TP73: variants seen among roughly 807,000 people sequenced by gnomAD.
TP73 encodes p53-like transcription factor.
TP73 carries 25 observed loss-of-function variants against 62.5 expected under a neutral mutation model. The observed-to-expected ratio is 0.40, with a 90% CI of 0.29 to 0.56. TP73 has a LOEUF of 0.56. Among genes scored for constraint, TP73 ranks in the 20% least tolerant of loss-of-function variants. The pLI is 0.46. For missense variants in TP73, 754 were observed against 913.3 expected, an observed-to-expected ratio of 0.83 and a Z score of 2.25; for synonymous variants, 423 against 377.5, an observed-to-expected ratio of 1.12 and a Z score of -1.40.
At chr1:3,667,731 CAGAG>C (rs1320227178) in intron 1 of TP73, among the ~76,000 whole-genome samples, 3 of 131,910 alleles carry the variant, frequency 2.3e-5, no homozygotes, top group African/African-American at 8.9e-5. Flanking sequence ...GCCTGGGCGA[CAGAG>C]AGAGATTCTG....
At position 3,727,685 on chromosome 1, in the gene TP73, C is replaced by T. The variant is rs142148247; in HGVS notation, c.900C>T (p.Arg300=). Residue 300 remains arginine (R), a synonymous_variant, in exon 8 of 14, where the codon CGC becomes CGT. Coordinates refer to ENST00000378295, the MANE Select transcript of TP73 (RefSeq NM_005427.4). ...GCCGCATCTGCGCCTGTCCTGGCCG[C>T]GACCGAAAAGCTGATGAGGACCACT... The part of the protein sequence containing the change: ...FEGRICACPG[R]DRKADEDHYR... 8.8e-6 allele frequency: 14 copies of T among 1,593,788 alleles called. No individual in the cohort carries two copies. The highest frequency in any genetic ancestry group is 2.3e-5 in the East Asian group (1 of 44,176).
rs2124554434 is a variant in TP73 at position 3,732,901 on chromosome 1, A to G, written c.1733A>G (p.Gln578Arg). The change falls in exon 14 of 14, where the codon CAG becomes CGG. Residue 578 changes from glutamine (Q) to arginine (R), a missense_variant. Coordinates refer to ENST00000378295, the MANE Select transcript of TP73 (RefSeq NM_005427.4). The part of the protein sequence containing the change: ...TISIGGSGEL[Q>R]RQRVMEAVHF... ...TCCATCGGCGGCTCAGGGGAACTGC[A>G]GCGCCAGCGGGTCATGGAGGCCGTG... is the stretch of plus-strand genomic sequence containing the variant. The G allele has an allele frequency of 1.2e-6, 2 of 1,611,280 alleles. No individual in the cohort carries two copies. Among genetic ancestry groups the G allele is most frequent in the Non-Finnish European group, 1.7e-6 (2 of 1,179,596 alleles).
intron 1 of TP73, among the ~76,000 whole-genome samples, chr1:3,667,478 C>T (rs961637373): frequency 3.3e-5 from 5 of 152,174 alleles, no homozygotes; most frequent in East Asian, 1.9e-4. Context: ...CAGCTGGGCG[C>T]GGTGGCTCAC....
Position 3,707,735 on chromosome 1 carries a change from C to T in TP73, c.373C>T (p.His125Tyr). Reference sequence around the variant, plus strand: ...CTCCAACACCGACTACCCCGGACCCCACCACTTTGAGGTCACTTTCCAGCA... The same window carrying T: ...CTCCAACACCGACTACCCCGGACCCTACCACTTTGAGGTCACTTTCCAGCA... ...IPSNTDYPGP[H>Y]HFEVTFQQSS... is the part of the protein sequence containing the mutation. The change falls in exon 4 of 14, where the codon CAC becomes TAC. Residue 125 changes from histidine to tyrosine, a missense_variant. His to Tyr is a moderately conservative substitution (Grantham distance 83). Transcript: ENST00000378295. 2 of 1,613,280 alleles carry T rather than the reference C, an allele frequency of 1.2e-6. No individual in the cohort carries two copies. Among genetic ancestry groups the T allele is most frequent in the Non-Finnish European group, 8.5e-7 (1 of 1,179,956 alleles).
intron 3 of TP73, chr1:3,690,582 T>C: frequency 8.1e-7 from 1 of 1,229,828 alleles, no homozygotes; most frequent in Non-Finnish European, 1.0e-6. Flanking sequence ...CTTGGTGCGG[T>C]CCAACACATC....
chr1:3,728,030 G>A (rs963825061), intron 8 of TP73, 99 bp from the exon 9 acceptor site: 18 of 1,328,932 alleles, frequency 1.4e-5, no homozygotes, highest in South Asian at 1.3e-4. Flanking sequence ...CTGGAGAATC[G>A]ATTGGCCCCA....
chr1:3,688,744 G>C (rs962842737), intron 3 of TP73, among the ~76,000 whole-genome samples: 5 of 152,192 alleles, frequency 3.3e-5, no homozygotes, highest in African/African-American at 4.8e-5. Context: ...GAAACGTGTA[G>C]CTCAGCCGCA....
chr1:3,731,372 C>A, intron 12 of TP73, 91 bp from the exon 13 acceptor site: 1 of 1,328,928 alleles, frequency 7.5e-7, no homozygotes, highest in Non-Finnish European at 1.1e-6. Context: ...CGGCAGTCTC[C>A]GCCCCAGCCA....
intron 10 of TP73, 139 bp from the exon 11 acceptor site, chr1:3,729,861 G>A: frequency 1.6e-6 from 2 of 1,250,448 alleles, no homozygotes; most frequent in South Asian, 1.5e-5. Context: ...TGGGGACAGG[G>A]AGGCTGGGGG....
In TP73 at chr1:3,671,253, C is replaced by T. The variant is rs143539662; in HGVS notation, c.-33-11080C>T. Among the ~76,000 whole-genome samples, 5 of 152,246 alleles carry T rather than the reference C, an allele frequency of 3.3e-5. No homozygotes were observed. The East Asian group carries it at 7.7e-4, about 24-fold the overall frequency. On this transcript the variant is annotated intron_variant, in intron 1 of 13. Coordinates refer to ENST00000378295, the MANE Select transcript of TP73 (RefSeq NM_005427.4). ...TGGGGTGTGGGAGCTGGGAGCGTGA[C>T]GGGAAGCAGCCCCCTCAGACCTGGA...
rs1244497014 is a variant in TP73 at position 3,663,910 on chromosome 1, G to T, written c.-34+11269G>T. Among the ~76,000 whole-genome samples the T allele has an allele frequency of 6.6e-6, 1 of 152,148 alleles. No individual in the cohort carries two copies. The highest frequency in any genetic ancestry group is 6.5e-5 in the Admixed American group (1 of 15,282). ...ACCTGCTTTCCCTGGCTTCTCAGAT[G>T]CCACCGTGCCAGGTTTTGGGGTAGT... is the stretch of plus-strand genomic sequence containing the variant. On this transcript the variant is annotated intron_variant, in intron 1 of 13. Transcript: ENST00000378295. This position sits in a 1 kb window ranked among gnomAD's most constrained non-coding sequence, Gnocchi z 4.7.
rs148387400 is a variant in TP73 at position 3,654,544 on chromosome 1, A to G, written c.-34+1903A>G. On this transcript the variant is annotated intron_variant, in intron 1 of 13. Transcript: ENST00000378295. ...GGTTACCCATCTGCAGAGTCGGGTA[A>G]TAGTAGTTCCTGCCTCAGAGGCTTG... Among the ~76,000 whole-genome samples, 36 of 152,324 alleles carry G rather than the reference A, an allele frequency of 2.4e-4. No individual in the cohort carries two copies. In the East Asian group the frequency reaches 6.9e-3, roughly 29 times the overall value.
chr1:3,711,100 T>TCC (rs1307582638), intron 4 of TP73, among the ~76,000 whole-genome samples: 3 of 152,310 alleles, frequency 2.0e-5, no homozygotes, highest in South Asian at 4.1e-4. Flanking sequence ...ACCTTCTGCT[T>TCC]CGCCCCTCTG....
intron 3 of TP73, among the ~76,000 whole-genome samples, chr1:3,705,530 G>A (rs373119948): frequency 2.6e-5 from 4 of 152,364 alleles, no homozygotes; most frequent in East Asian, 3.9e-4. Context: ...CCGAGGCCTC[G>A]TGCCAAGACC....
Position 3,691,068 on chromosome 1 carries a change from G to GAA in TP73, c.186+7888_186+7889insAA, listed in dbSNP as rs1645811030. ...TGGCCTGGAGTCTGCTGCCAGTTGG[G>GAA]GTGAGCAGAGGTAGGAAGGGAGGCG... On this transcript the variant is annotated intron_variant, in intron 3 of 13. Coordinates refer to ENST00000378295, the MANE Select transcript of TP73 (RefSeq NM_005427.4). 6 of 1,382,180 alleles carry GAA rather than the reference G, an allele frequency of 4.3e-6. No homozygotes were observed. In the African/African-American group the frequency reaches 8.5e-5, roughly 20 times the overall value. The allele number at this position is 1,382,180 out of a possible 1,614,324, so 85.6% of individuals were successfully genotyped here. A position where few individuals can be genotyped will look rare whatever the true frequency, so the allele number is the denominator to read the frequency against.
At chr1:3,692,445 C>T (rs181458064) in intron 3 of TP73, among the ~76,000 whole-genome samples, 12 of 152,356 alleles carry the variant, frequency 7.9e-5, no homozygotes, top group Admixed American at 2.6e-4. Flanking sequence ...GAGCGTGGAA[C>T]GGCTACATCA....
intron 3 of TP73, among the ~76,000 whole-genome samples, chr1:3,685,001 C>T (rs905762263): frequency 1.8e-4 from 28 of 152,276 alleles, no homozygotes; most frequent in African/African-American, 6.0e-4. Context: ...CCCTTCTGGA[C>T]ATCCGTGTCC....
At chr1:3,712,267 G>A (rs1024474544) in intron 4 of TP73, 2 of 152,258 alleles carry the variant, frequency 1.3e-5, no homozygotes, top group African/African-American at 2.4e-5. Context: ...AGTACTTAGG[G>A]CGAAATTGCA....
rs908262562 is a variant in TP73 at position 3,672,945 on chromosome 1, C to T, written c.-33-9388C>T. 4.6e-5 allele frequency among the ~76,000 whole-genome samples: 7 copies of T among 152,356 alleles called. No homozygotes were observed. The highest frequency in any genetic ancestry group is 3.9e-4 in the East Asian group (2 of 5,180). ...CCCAGGAGCACCGCCCACTCCAAGGCGCAAGCAAGCTGGGGCTGGGGTGCA... is the reference window on the plus strand; with the variant it reads ...CCCAGGAGCACCGCCCACTCCAAGGTGCAAGCAAGCTGGGGCTGGGGTGCA... On this transcript the variant is annotated intron_variant, in intron 1 of 13. Transcript: ENST00000378295. The surrounding 1 kb of genome is among the most constrained non-coding windows in gnomAD (Gnocchi z 5.3).
Sources: gnomAD v4.1 joint callset for allele counts (sites outside exome capture counted in the v4.1 genomes callset) on GRCh38, gnomAD v4.1.1 for gene constraint, Gnocchi (gnomAD v3.1) non-coding constraint, MANE v1.5 for transcripts, NCBI Gene and HGNC (gene_info 2026-07-23, HGNC 2026-07-21) for gene names.